Variants in GLP2R observed in about 807,000 individuals in gnomAD.
GLP2R encodes the protein glucagon like peptide 2 receptor.
Under a neutral mutation model 68.2 loss-of-function variants are expected in GLP2R, and 59 were observed. That is an observed-to-expected ratio of 0.87 (90% CI 0.70 to 1.07). The LOEUF (loss-of-function observed/expected upper bound fraction) is 1.07, where lower values mean the gene tolerates loss of function less well. Among genes scored for constraint, GLP2R ranks in the 50% least tolerant of loss-of-function variants. The probability of loss-of-function intolerance (pLI) is 0.00; values close to 1 mark genes in which losing one functional copy is unlikely to be tolerated. For missense variants in GLP2R, 548 were observed against 677.4 expected, an observed-to-expected ratio of 0.81 and a Z score of 2.12; for synonymous variants, 270 against 265.4, an observed-to-expected ratio of 1.02 and a Z score of -0.17.
chr17:9,829,741 C>T (rs2152028876), intron 1 of GLP2R, among the ~76,000 whole-genome samples: 1 of 152,234 alleles, frequency 6.6e-6, no homozygotes, highest in African/African-American at 2.4e-5. Context: ...CTTTCATTCA[C>T]AGAGAGAAGA....
At chr17:9,875,835 G>T (rs2067138085) in intron 10 of GLP2R, among the ~76,000 whole-genome samples, 1 of 152,162 alleles carries the variant, frequency 6.6e-6, no homozygotes, top group Non-Finnish European at 1.5e-5. Context: ...GGATGCACCT[G>T]GGCAGAGCTC....
At chr17:9,882,179 A>G (rs1567738915) in intron 11 of GLP2R, among the ~76,000 whole-genome samples, 1 of 152,202 alleles carries the variant, frequency 6.6e-6, no homozygotes, top group Non-Finnish European at 1.5e-5. Flanking sequence ...AGGAAATTCT[A>G]GTGAAAACTA....
At chr17:9,858,174 G>A (rs749017891) in intron 6 of GLP2R, among the ~76,000 whole-genome samples, 8 of 152,172 alleles carry the variant, frequency 5.3e-5, no homozygotes, top group Non-Finnish European at 1.2e-4. Context: ...TCCACAGGGG[G>A]TCCTAGAAAC....
At chr17:9,880,280 AT>A in intron 10 of GLP2R, 97 bp from the exon 11 acceptor site, 1 of 716,192 alleles carries the variant, frequency 1.4e-6, no homozygotes, top group East Asian at 2.6e-5. Context: ...AACTATCAAT[AT>A]GGTAAGAGCT....
intron 9 of GLP2R, among the ~76,000 whole-genome samples, chr17:9,864,415 G>A (rs966924739): frequency 2.6e-5 from 4 of 152,168 alleles, no homozygotes; most frequent in East Asian, 1.9e-4. Flanking sequence ...ACATCATGGC[G>A]GCTTATACCC....
chr17:9,885,266 C>T (rs911589487), intron 11 of GLP2R, among the ~76,000 whole-genome samples: 9 of 151,296 alleles, frequency 5.9e-5, no homozygotes, highest in Admixed American at 2.0e-4. Flanking sequence ...CTCGGCTCAC[C>T]GCAACCTCCA....
intron 11 of GLP2R, among the ~76,000 whole-genome samples, chr17:9,882,555 A>G (rs2152048961): frequency 6.6e-6 from 1 of 151,144 alleles, no homozygotes; most frequent in South Asian, 2.1e-4. Flanking sequence ...CAGAGGAAAC[A>G]TGAGGGGGTC....
intron 2 of GLP2R, chr17:9,834,597 A>C (rs2066710222): frequency 6.6e-6 from 1 of 152,562 alleles, no homozygotes; most frequent in Non-Finnish European, 1.5e-5. Context: ...AAAAAGAAGA[A>C]AGTACCTTGG....
chr17:9,855,365 T>G (rs2066925737), intron 5 of GLP2R, among the ~76,000 whole-genome samples: 1 of 152,216 alleles, frequency 6.6e-6, no homozygotes, highest in Admixed American at 6.5e-5. Context: ...AGCTAGAATT[T>G]GAACCCAAGA....
Position 9,831,936 on chromosome 17 carries a change from G to A in GLP2R, c.190-1871G>A, listed in dbSNP as rs566001872. Among the ~76,000 whole-genome samples the A allele has an allele frequency of 1.2e-4, 19 of 152,294 alleles. No homozygotes were observed. In the East Asian group the frequency reaches 1.4e-3, roughly 11 times the overall value. On this transcript the variant is annotated intron_variant, in intron 1 of 12. Transcript: ENST00000262441. Reference sequence around the variant, plus strand: ...AGAGAACTGAGCCACACTTGGCATCGTAGGGATGCCAAAGACGACAGACCA... The same window carrying A: ...AGAGAACTGAGCCACACTTGGCATCATAGGGATGCCAAAGACGACAGACCA...
At chr17:9,864,003 T>C (rs540790862) in intron 9 of GLP2R, among the ~76,000 whole-genome samples, 47 of 152,304 alleles carry the variant, frequency 3.1e-4, no homozygotes, top group Non-Finnish European at 5.1e-4. Context: ...TAGGATAGCG[T>C]TGAGGCATGG....
At chr17:9,882,292 A>G (rs1306917938) in intron 11 of GLP2R, among the ~76,000 whole-genome samples, 8 of 152,222 alleles carry the variant, frequency 5.3e-5, no homozygotes, top group Non-Finnish European at 8.8e-5. Context: ...GGTGACAAAG[A>G]AACAGGGAAG....
At chr17:9,856,948 A>G (rs1431923773) in intron 5 of GLP2R, among the ~76,000 whole-genome samples, 1 of 151,872 alleles carries the variant, frequency 6.6e-6, no homozygotes, top group Non-Finnish European at 1.5e-5. Context: ...TCTGAGGTGA[A>G]GTCTCGCTCT....
intron 10 of GLP2R, among the ~76,000 whole-genome samples, chr17:9,874,476 G>C (rs1042141183): frequency 6.6e-6 from 1 of 152,090 alleles, no homozygotes; most frequent in African/African-American, 2.4e-5. Flanking sequence ...GCCTGAGCCA[G>C]AGTGAGACCC....
intron 7 of GLP2R, among the ~76,000 whole-genome samples, chr17:9,860,780 A>G (rs2066980883): frequency 6.6e-6 from 1 of 152,344 alleles, no homozygotes; most frequent in Non-Finnish European, 1.5e-5. Flanking sequence ...GACCAAGAGT[A>G]TCTAGATTTG....
chr17:9,884,590 G>A (rs966256462), intron 11 of GLP2R, among the ~76,000 whole-genome samples: 4 of 152,130 alleles, frequency 2.6e-5, no homozygotes, highest in South Asian at 2.1e-4. Context: ...CTGAGATTTC[G>A]TACACAGAGC....
At chr17:9,843,566 G>A (rs967834184) in intron 4 of GLP2R, among the ~76,000 whole-genome samples, 3 of 152,158 alleles carry the variant, frequency 2.0e-5, no homozygotes, top group Admixed American at 1.3e-4. Flanking sequence ...CCCAGGAAAG[G>A]TTTTTTGGAT....
At chr17:9,827,005 G>A (rs1331717387) in intron 1 of GLP2R, among the ~76,000 whole-genome samples, 5 of 152,102 alleles carry the variant, frequency 3.3e-5, no homozygotes, top group Non-Finnish European at 5.9e-5. Flanking sequence ...CTGAGTAGCT[G>A]GGATTACAGG....
chr17:9,832,833 C>G (rs1294276967), intron 1 of GLP2R, among the ~76,000 whole-genome samples: 1 of 152,150 alleles, frequency 6.6e-6, no homozygotes, highest in African/African-American at 2.4e-5. Context: ...AAGCCCAAAA[C>G]GTGCTATATT....
Sources: allele counts gnomAD v4.1 joint callset (sites outside exome capture counted in the v4.1 genomes callset), GRCh38; gene constraint gnomAD v4.1.1; transcripts MANE v1.5; gene names NCBI Gene and HGNC (gene_info 2026-07-23, HGNC 2026-07-21).